SVOP: variants seen among roughly 807,000 people sequenced by gnomAD.
The protein encoded by SVOP is synaptic vesicle 2-related protein.
In SVOP, 17 loss-of-function variants were observed where a neutral mutation model predicts 69.1. The ratio of observed to expected loss-of-function variants is 0.25; its 90% CI spans 0.17 to 0.37. The LOEUF is 0.37. Ranked by LOEUF, SVOP falls within the 10% of genes least tolerant of loss-of-function variation. The pLI, the probability that SVOP is intolerant of heterozygous loss-of-function variation, is 1.00. For missense variants in SVOP, 435 were observed against 597.5 expected (o/e 0.73, Z 2.84); for synonymous variants, 238 against 238.6 (o/e 1.00, Z 0.02).
At chr12:108,968,302 T>C (rs529195765) in intron 5 of SVOP, among the ~76,000 whole-genome samples, 12 of 152,308 alleles carry the variant, frequency 7.9e-5, no homozygotes, top group African/African-American at 2.9e-4. Flanking sequence ...TCACGGAGTT[T>C]ACTAAATTCC....
intron 1 of SVOP, among the ~76,000 whole-genome samples, chr12:108,988,441 C>T (rs1248616194): frequency 2.6e-5 from 4 of 152,052 alleles, no homozygotes; most frequent in African/African-American, 7.2e-5. Flanking sequence ...CTTTCACATA[C>T]GGACATCCAA....
chr12:109,017,968 T>C (rs2040377091), intron 1 of SVOP, among the ~76,000 whole-genome samples: 1 of 152,224 alleles, frequency 6.6e-6, no homozygotes, highest in South Asian at 2.1e-4. Context: ...CACATGTAGC[T>C]AGTGGCTAAA....
At chr12:108,972,532 A>G (rs2040085463) in intron 4 of SVOP, 56 bp from the exon 5 acceptor site, 2 of 1,507,324 alleles carry the variant, frequency 1.3e-6, no homozygotes, top group Non-Finnish European at 1.8e-6. Context: ...TTGCACAGAA[A>G]GGGAACAACA....
In SVOP at chr12:108,912,511, A is replaced by AC. The variant is rs770713191; in HGVS notation, c.*23dup. 8.7e-6 allele frequency: 14 copies of AC among 1,613,348 alleles called. No homozygotes were observed. The highest frequency in any genetic ancestry group is 1.6e-4 in the Middle Eastern group (1 of 6,078). The stretch of plus-strand genomic sequence containing the variant: ...CCCCCCAAGCTCTGCAGCCTCAAAG[A>AC]CCAGCTCAGTCCCCCATCGGTCACT... On this transcript the variant is annotated 3_prime_UTR_variant, in exon 16 of 16. Transcript: ENST00000610966.
At chr12:108,935,855 C>T (rs2039853259) in intron 10 of SVOP, among the ~76,000 whole-genome samples, 1 of 152,120 alleles carries the variant, frequency 6.6e-6, no homozygotes, top group East Asian at 1.9e-4. Context: ...TGTCTCCACT[C>T]CCTTCCATGG....
In SVOP at chr12:108,909,998, C is replaced by T. The variant is rs956598110; in HGVS notation, c.*2537G>A. The T allele has an allele frequency of 3.3e-5, 5 of 152,414 alleles. No homozygotes were observed. The highest frequency in any genetic ancestry group is 3.8e-4 in the East Asian group (2 of 5,214). 9.4% of individuals were successfully genotyped at this position (152,414 alleles called of 1,614,324 possible). On this transcript the variant is annotated 3_prime_UTR_variant, in exon 16 of 16. Coordinates refer to ENST00000610966, the MANE Select transcript of SVOP (RefSeq NM_018711.5). ...TTTTTGAGATGGAGTCTTGCTCTGTCGCCCAGGCTGGAGTGCAGTGGCGCG... is the reference window on the plus strand; with the variant it reads ...TTTTTGAGATGGAGTCTTGCTCTGTTGCCCAGGCTGGAGTGCAGTGGCGCG...
intron 11 of SVOP, among the ~76,000 whole-genome samples, chr12:108,923,026 A>T (rs1283939288): frequency 6.6e-6 from 1 of 152,210 alleles, no homozygotes; most frequent in Non-Finnish European, 1.5e-5. Flanking sequence ...AGCACCATGT[A>T]AAGGGATTGA....
At chr12:108,918,243 T>C (rs1014470542) in intron 13 of SVOP, 119 bp from the exon 14 acceptor site, 5 of 651,932 alleles carry the variant, frequency 7.7e-6, no homozygotes, top group African/African-American at 7.4e-5. Context: ...CCCTCCCCGA[T>C]GCTCATTGAT....
intron 1 of SVOP, among the ~76,000 whole-genome samples, chr12:109,012,413 A>G (rs1014469948): frequency 2.0e-5 from 3 of 152,128 alleles, no homozygotes; most frequent in African/African-American, 7.2e-5. Flanking sequence ...TTTTAAGTGT[A>G]CTCACCACAA....
rs2039684601 is a variant in SVOP at position 108,911,770 on chromosome 12, AG to A, written c.*764del. 1 of 152,246 alleles carries A rather than the reference AG, an allele frequency of 6.6e-6. No individual in the cohort carries two copies. 9.4% of individuals were successfully genotyped at this position (152,246 alleles called of 1,614,324 possible). ...TCGGAACCGTGGCCTTCGCTGCTTC[AG>A]AAGGGGAGGCCCGTGCTCTGACTTC... is the stretch of plus-strand genomic sequence containing the variant. On this transcript the variant is annotated 3_prime_UTR_variant, in exon 16 of 16. Coordinates refer to ENST00000610966, the MANE Select transcript of SVOP (RefSeq NM_018711.5).
At chr12:108,927,905 C>A (rs1401802638) in intron 11 of SVOP, among the ~76,000 whole-genome samples, 1 of 144,718 alleles carries the variant, frequency 6.9e-6, no homozygotes, top group Non-Finnish European at 1.5e-5. Context: ...TGACAAAAAA[C>A]TCTTTTTTTT....
intron 1 of SVOP, among the ~76,000 whole-genome samples, chr12:109,008,473 C>T (rs965241854): frequency 3.9e-5 from 6 of 152,148 alleles, no homozygotes; most frequent in Non-Finnish European, 8.8e-5. Context: ...TTTTAGTTCT[C>T]TGTGGATTTT....
At chr12:108,919,832 C>G in intron 12 of SVOP, 46 bp from the exon 13 acceptor site, 26 of 1,296,530 alleles carry the variant, frequency 2.0e-5, no homozygotes, top group Non-Finnish European at 2.8e-5. Flanking sequence ...ATGTGATTCC[C>G]AATGCCCTCC....
intron 5 of SVOP, among the ~76,000 whole-genome samples, chr12:108,969,445 G>C (rs538211786): frequency 1.6e-4 from 23 of 147,378 alleles, no homozygotes; most frequent in African/African-American, 5.0e-4. Context: ...GCAATGGCAC[G>C]ATCTCGGCTC....
intron 1 of SVOP, among the ~76,000 whole-genome samples, chr12:108,988,404 G>C (rs1020668255): frequency 2.6e-5 from 4 of 151,966 alleles, no homozygotes; most frequent in African/African-American, 9.7e-5. Context: ...TTTTATATAT[G>C]GTGTTAGGTA....
In SVOP at chr12:109,018,129, A is replaced by AATGG. The variant is rs1368802392; in HGVS notation, c.35+2704_35+2705insCCAT. On this transcript the variant is annotated intron_variant, in intron 1 of 15. Coordinates refer to ENST00000610966, the MANE Select transcript of SVOP (RefSeq NM_018711.5). Reference sequence around the variant, plus strand: ...GGATGAATGAATGAATGAATGAATGAATGAATCGATCAATCAGTGTCTGCA... The same window carrying AATGG: ...GGATGAATGAATGAATGAATGAATGAATGGATGAATCGATCAATCAGTGTCTGCA... Among the ~76,000 whole-genome samples the AATGG allele has an allele frequency of 3.4e-5, 5 of 149,088 alleles. No homozygotes were observed. In the South Asian group the frequency reaches 6.3e-4, roughly 19 times the overall value.
In SVOP at chr12:108,947,016, G is replaced by A. The variant is rs754382613; in HGVS notation, c.579-1850C>T. On this transcript the variant is annotated intron_variant, in intron 6 of 15. Coordinates refer to ENST00000610966, the MANE Select transcript of SVOP (RefSeq NM_018711.5). ...ATTACAGGTGTGAGCCACCATGCCCGGCCTGCAACCTGTTATTATTTTGAT... is the reference window on the plus strand; with the variant it reads ...ATTACAGGTGTGAGCCACCATGCCCAGCCTGCAACCTGTTATTATTTTGAT... Among the ~76,000 whole-genome samples the A allele has an allele frequency of 3.3e-4, 50 of 152,182 alleles. 2 individuals are homozygous for A. The highest frequency in any genetic ancestry group is 8.3e-4 in the South Asian group (4 of 4,808).
intron 1 of SVOP, among the ~76,000 whole-genome samples, chr12:108,988,651 C>T (rs1045825465): frequency 1.3e-4 from 20 of 151,968 alleles, no homozygotes; most frequent in Admixed American, 6.6e-5. Context: ...AAGTGTGAGA[C>T]CTTTAATTTT....
At chr12:109,016,176 G>T (rs2040366628) in intron 1 of SVOP, among the ~76,000 whole-genome samples, 1 of 152,190 alleles carries the variant, frequency 6.6e-6, no homozygotes, top group South Asian at 2.1e-4. Flanking sequence ...AGCCCTGCAG[G>T]TATTATCACT....
Sources: gnomAD v4.1 joint callset for allele counts (sites outside exome capture counted in the v4.1 genomes callset) on GRCh38, gnomAD v4.1.1 for gene constraint, MANE v1.5 for transcripts, NCBI Gene and HGNC (gene_info 2026-07-23, HGNC 2026-07-21) for gene names.